Variants in SOX5 observed in about 807,000 individuals in gnomAD.
The protein encoded by SOX5 is transcription factor SOX-5.
A neutral mutation model predicts 92.0 loss-of-function variants in SOX5; 9 were observed. That is an observed-to-expected ratio of 0.10 (90% confidence interval 0.06 to 0.17). SOX5 has a LOEUF of 0.17. Ranked by LOEUF, SOX5 falls within the 10% of genes least tolerant of loss-of-function variation. The probability of loss-of-function intolerance (pLI) is 1.00; values close to 1 mark genes in which losing one functional copy is unlikely to be tolerated. For synonymous variants in SOX5, 344 were observed against 336.3 expected (o/e 1.02, Z -0.25); for missense variants, 642 against 944.5 (o/e 0.68, Z 4.20).
intron 4 of SOX5, among the ~76,000 whole-genome samples, chr12:24,167,523 T>G (rs1411650098): frequency 2.0e-5 from 3 of 152,156 alleles, no homozygotes; most frequent in African/African-American, 7.2e-5. Context: ...TTGCCCCTGG[T>G]AATGTGATGT....
rs139375078 is a variant in SOX5 at position 23,789,429 on chromosome 12, C to T, written c.482-33705G>A. On this transcript the variant is annotated intron_variant, in intron 3 of 14. Transcript: ENST00000451604. ...TCTTCCTTTTCTAATAAATGTGATC[C>T]GAAGGAGAGTGTGAACCAGTTTTAT... Among the ~76,000 whole-genome samples the T allele has an allele frequency of 2.1e-4, 32 of 152,002 alleles. No homozygotes were observed. In the East Asian group the frequency reaches 6.0e-3, roughly 28 times the overall value.
intron 3 of SOX5, chr12:24,227,234 G>C (rs547984727): frequency 6.6e-5 from 10 of 152,392 alleles, no homozygotes; most frequent in Non-Finnish European, 1.3e-4. Flanking sequence ...AGCACCAAGA[G>C]GGTGTCCTCA....
intron 3 of SOX5, among the ~76,000 whole-genome samples, chr12:23,801,151 C>T (rs1158196390): frequency 6.6e-6 from 1 of 152,114 alleles, no homozygotes; most frequent in Non-Finnish European, 1.5e-5. Flanking sequence ...TTTACATCAC[C>T]CAGGCCTAGT....
intron 1 of SOX5, among the ~76,000 whole-genome samples, chr12:24,444,607 C>T (rs1164438925): frequency 6.6e-6 from 1 of 152,090 alleles, no homozygotes; most frequent in African/African-American, 2.4e-5. Context: ...ACTTAGTGCC[C>T]CAGCTGCCAG....
intron 9 of SOX5, among the ~76,000 whole-genome samples, chr12:23,587,651 A>G (rs1202645192): frequency 1.3e-5 from 2 of 152,112 alleles, no homozygotes; most frequent in Admixed American, 6.6e-5. Context: ...GCTACGATAA[A>G]TTCAAAATGT....
intron 6 of SOX5, among the ~76,000 whole-genome samples, chr12:23,728,202 A>G (rs930611003): frequency 3.9e-5 from 6 of 152,146 alleles, no homozygotes; most frequent in Non-Finnish European, 7.3e-5. Flanking sequence ...ATATCTCCAT[A>G]TTTCCTCCTC....
At chr12:24,405,360 C>G (rs978944247) in intron 1 of SOX5, among the ~76,000 whole-genome samples, 2 of 152,004 alleles carry the variant, frequency 1.3e-5, no homozygotes, top group African/African-American at 4.8e-5. Flanking sequence ...TCCAGTCAGC[C>G]AAGTAGCTAT....
At chr12:23,703,464 G>T (rs924595199) in intron 6 of SOX5, among the ~76,000 whole-genome samples, 1 of 151,872 alleles carries the variant, frequency 6.6e-6, no homozygotes, top group African/African-American at 2.4e-5. Flanking sequence ...AATTGTGAAA[G>T]TTGCTTACAA....
intron 1 of SOX5, among the ~76,000 whole-genome samples, chr12:24,392,590 T>C (rs1959105163): frequency 1.3e-5 from 2 of 152,062 alleles, no homozygotes; most frequent in Admixed American, 6.6e-5. Flanking sequence ...TCTAAATCAG[T>C]ACCCCCAACC....
Position 23,696,193 on chromosome 12 carries a change from T to A in SOX5, c.811-30629A>T, listed in dbSNP as rs561709572. 7.9e-5 allele frequency among the ~76,000 whole-genome samples: 12 copies of A among 152,174 alleles called. No homozygotes were observed. The South Asian group carries it at 2.5e-3, about 32-fold the overall frequency. On this transcript the variant is annotated intron_variant, in intron 6 of 14. Coordinates refer to ENST00000451604, the MANE Select transcript of SOX5 (RefSeq NM_006940.6). ...TTCTTCTACATTCTGAAAGTTTGTA[T>A]AAAATTGGCATTTTTTTTTCTTAAA...
At chr12:24,471,992 C>G (rs775303788) in intron 1 of SOX5, among the ~76,000 whole-genome samples, 6 of 152,126 alleles carry the variant, frequency 3.9e-5, no homozygotes, top group African/African-American at 7.2e-5. Context: ...TGGCACCAAA[C>G]CATACTCAAT....
chr12:23,553,652 G>C (rs1403384609), intron 11 of SOX5, among the ~76,000 whole-genome samples: 2 of 152,054 alleles, frequency 1.3e-5, no homozygotes, highest in African/African-American at 4.8e-5. Flanking sequence ...AGACAGACAT[G>C]TTATACATAC....
At chr12:24,164,598 T>C (rs993434918) in intron 4 of SOX5, among the ~76,000 whole-genome samples, 4 of 152,108 alleles carry the variant, frequency 2.6e-5, no homozygotes, top group African/African-American at 7.2e-5. Flanking sequence ...ACTTAATTTA[T>C]ACCAAATCAC....
At chr12:24,312,464 C>T (rs1949276136) in intron 2 of SOX5, among the ~76,000 whole-genome samples, 1 of 152,116 alleles carries the variant, frequency 6.6e-6, no homozygotes, top group Admixed American at 6.6e-5. Flanking sequence ...CTACTTTATA[C>T]CATTTATTTA....
At chr12:24,317,691 A>T (rs1224262737) in intron 2 of SOX5, among the ~76,000 whole-genome samples, 2 of 152,056 alleles carry the variant, frequency 1.3e-5, no homozygotes, top group Admixed American at 1.3e-4. Flanking sequence ...CAACAGCTCC[A>T]CCTTCACTCC....
At chr12:24,229,111 G>A (rs1057260367) in intron 3 of SOX5, among the ~76,000 whole-genome samples, 11 of 152,188 alleles carry the variant, frequency 7.2e-5, no homozygotes, top group Non-Finnish European at 1.6e-4. Flanking sequence ...CCACCTGACC[G>A]CTTGGGTTGT....
intron 3 of SOX5, among the ~76,000 whole-genome samples, chr12:23,838,850 G>A (rs912327024): frequency 9.6e-6 from 1 of 104,554 alleles, no homozygotes; most frequent in African/African-American, 3.4e-5. Context: ...TTTTGGGGGG[G>A]GGGGGCGGGG....
At chr12:24,133,618 A>G (rs1264993617) in intron 4 of SOX5, among the ~76,000 whole-genome samples, 2 of 152,138 alleles carry the variant, frequency 1.3e-5, no homozygotes, top group African/African-American at 4.8e-5. Flanking sequence ...ATGCCAAACA[A>G]TGCAAGAGAG....
intron 4 of SOX5, among the ~76,000 whole-genome samples, chr12:24,096,979 T>A (rs1945498199): frequency 6.6e-6 from 1 of 152,170 alleles, no homozygotes; most frequent in Admixed American, 6.5e-5. Context: ...TTGCACCATT[T>A]CACATTCCAA....
Sources: allele counts gnomAD v4.1 joint callset (sites outside exome capture counted in the v4.1 genomes callset), GRCh38; gene constraint gnomAD v4.1.1; transcripts MANE v1.5; gene names NCBI Gene and HGNC (gene_info 2026-07-23, HGNC 2026-07-21).